Variants in OCRL observed in about 807,000 individuals in gnomAD.
OCRL encodes inositol polyphosphate 5-phosphatase OCRL.
Under a neutral mutation model 78.9 loss-of-function variants are expected in OCRL, and 8 were observed. The observed-to-expected ratio is 0.10, with a 90% CI of 0.06 to 0.18. The LOEUF is 0.18. Ranked by LOEUF, OCRL falls within the 10% of genes least tolerant of loss-of-function variation. The pLI, the probability that OCRL is intolerant of heterozygous loss-of-function variation, is 1.00. For synonymous variants in OCRL, 240 were observed against 235.4 expected, an observed-to-expected ratio of 1.02 and a Z score of -0.18; for missense variants, 454 against 696.7, an observed-to-expected ratio of 0.65 and a Z score of 3.92.
chrX:129,545,029 G>C lies in OCRL; in HGVS notation c.191G>C (p.Cys64Ser). 1 of 1,065,552 alleles carries C rather than the reference G, an allele frequency of 9.4e-7. No homozygotes were observed. The allele number at this position is 1,065,552 out of a possible 1,213,427, so 87.8% of individuals were successfully genotyped here. Residue 64 changes from cysteine (C) to serine (S), a missense_variant, in exon 3 of 24, where the codon TGT becomes TCT. By Grantham distance (112) the Cys-to-Ser change is moderately radical (BLOSUM62 -1). Coordinates refer to ENST00000371113, the MANE Select transcript of OCRL (RefSeq NM_000276.4). ...ATTCCTATAAATAGCCACTTCAGAT[G>C]TGTTCAAGGTACTAGCTTTAATTCC... ...DIIPINSHFR[C>S]VQEAEETLLI... is the part of the protein sequence containing the mutation.
In OCRL at chrX:129,540,326, G is replaced by C; in HGVS notation, c.-114G>C. The C allele has an allele frequency of 1.2e-6, 1 of 850,125 alleles. No homozygotes were observed. The highest frequency in any genetic ancestry group is 1.7e-6 in the Non-Finnish European group (1 of 598,189). 70.1% of individuals were successfully genotyped at this position (850,125 alleles called of 1,213,427 possible). On this transcript the variant is annotated 5_prime_UTR_variant, in exon 1 of 24. Transcript: ENST00000371113. ...GCTCCCGGCGCCCGGCGCCCGGCGC[G>C]GAGCTGTTCCTCAAACGACACGCAG...
At chrX:129,589,823 C>G in intron 22 of OCRL, 22 bp from the exon 23 acceptor site, 2 of 1,084,034 alleles carry the variant, frequency 1.8e-6, no homozygotes, top group South Asian at 1.8e-5. Flanking sequence ...TTCTCACTGC[C>G]TGCCCCTATT....
chrX:129,557,367 G>A lies in OCRL; in HGVS notation c.281G>A (p.Arg94His), dbSNP rs750147216. ...IRVQGDWIRE[R>H]RFEIPDEEHC... ...GTTCAGGGGGACTGGATCAGAGAGC[G>A]CCGCTTTGAAATCCCTGATGAGGAA... Residue 94 changes from arginine (R) to histidine (H), a missense_variant, in exon 5 of 24, where the codon CGC becomes CAC. Coordinates refer to ENST00000371113, the MANE Select transcript of OCRL (RefSeq NM_000276.4). 1.7e-5 allele frequency: 20 copies of A among 1,209,537 alleles called. No individual in the cohort carries two copies. Among genetic ancestry groups the A allele is most frequent in the Middle Eastern group, 2.3e-4 (1 of 4,365 alleles).
chrX:129,544,865 A>T (rs770526272), intron 2 of OCRL, 93 bp from the exon 3 acceptor site: 1 of 568,934 alleles, frequency 1.8e-6, no homozygotes, highest in East Asian at 3.3e-5. Flanking sequence ...TCTAGTAAAT[A>T]CAGACTAGAT....
intron 4 of OCRL, chrX:129,553,199 T>C (rs1602776577): frequency 8.9e-6 from 1 of 112,518 alleles, no homozygotes; most frequent in South Asian, 3.6e-4. Context: ...GAAGGGATTA[T>C]ATCAAGCCCT....
At chrX:129,552,265 G>C (rs746100861) in intron 4 of OCRL, among the ~76,000 whole-genome samples, 6 of 111,145 alleles carry the variant, frequency 5.4e-5, no homozygotes, top group African/African-American at 2.0e-4. Context: ...AATTGTTTTG[G>C]GTGTAAGGGG....
At chrX:129,567,902 CTT>C (rs56035022) in intron 14 of OCRL, among the ~76,000 whole-genome samples, 6 of 91,424 alleles carry the variant, frequency 6.6e-5, no homozygotes, top group African/African-American at 8.1e-5. Flanking sequence ...TTAGTAGACC[CTT>C]TTTTTTTTTT....
chrX:129,540,654 T>TC (rs1556337113), intron 1 of OCRL, 90 bp from the exon 2 acceptor site: 16 of 453,932 alleles, frequency 3.5e-5, no homozygotes, highest in Admixed American at 1.1e-4. Flanking sequence ...AGGGCGGCGG[T>TC]GGGGGGGGGG....
rs1675621899 is a variant in OCRL at position 129,576,082 on chromosome X, T to G, written c.1879+20T>G. The G allele has an allele frequency of 2.5e-6, 3 of 1,185,708 alleles. No homozygotes were observed. Among genetic ancestry groups the G allele is most frequent in the African/African-American group, 2.2e-5 (1 of 46,110 alleles). The stretch of plus-strand genomic sequence containing the variant: ...AGCCAAGTGAGTTTTCCCTTTACCA[T>G]TGTCTCTGCTGGTGATGTCATGACT... On this transcript the variant is annotated intron_variant, in intron 17 of 23. Transcript: ENST00000371113.
intron 22 of OCRL, 22 bp downstream of exon 22, chrX:129,589,035 A>G: frequency 8.3e-7 from 1 of 1,209,727 alleles, no homozygotes. Flanking sequence ...TGACCTGGGG[A>G]TGTGTTTGAC....
At chrX:129,587,825 A>C (rs1936533432) in intron 20 of OCRL, among the ~76,000 whole-genome samples, 1 of 109,017 alleles carries the variant, frequency 9.2e-6, no homozygotes. Flanking sequence ...GCTTGAGCTC[A>C]GGAGTTTGAG....
At chrX:129,560,770 A>G in intron 9 of OCRL, 119 bp downstream of exon 9, 1 of 479,726 alleles carries the variant, frequency 2.1e-6, no homozygotes, top group Non-Finnish European at 3.7e-6. Context: ...CACGAGAGTT[A>G]ACTTGCGGGT....
At chrX:129,583,057 G>A (rs1460143922) in intron 18 of OCRL, among the ~76,000 whole-genome samples, 2 of 111,959 alleles carry the variant, frequency 1.8e-5, no homozygotes, top group Non-Finnish European at 3.8e-5. Flanking sequence ...CAGACCTTCT[G>A]CTGGCATACT....
chrX:129,554,992 T>C (rs1200848859), intron 4 of OCRL, among the ~76,000 whole-genome samples: 1 of 99,616 alleles, frequency 1.0e-5, no homozygotes, highest in Non-Finnish European at 2.0e-5. Context: ...AATAAATAAA[T>C]AAATAAATAA....
Position 129,590,338 on chromosome X carries a change from A to G in OCRL, c.*68A>G, listed in dbSNP as rs1238607697. 7.7e-6 allele frequency: 9 copies of G among 1,163,188 alleles called. No individual in the cohort carries two copies. Among genetic ancestry groups the G allele is most frequent in the Non-Finnish European group, 1.1e-5 (9 of 856,149 alleles). ...GGCTCCAAGTATTTCAGAATGATTTAAAAAGTCATGCCACAGGAAGGGTCT... is the reference window on the plus strand; with the variant it reads ...GGCTCCAAGTATTTCAGAATGATTTGAAAAGTCATGCCACAGGAAGGGTCT... On this transcript the variant is annotated 3_prime_UTR_variant, in exon 24 of 24. Coordinates refer to ENST00000371113, the MANE Select transcript of OCRL (RefSeq NM_000276.4).
chrX:129,563,471 A>G (rs1271255125), intron 12 of OCRL, among the ~76,000 whole-genome samples: 1 of 112,160 alleles, frequency 8.9e-6, no homozygotes, highest in Non-Finnish European at 1.9e-5. Context: ...GAGGTGCATT[A>G]TAATTCTATT....
At chrX:129,590,093 T>C in intron 23 of OCRL, 53 bp from the exon 24 acceptor site, 2 of 1,210,640 alleles carry the variant, frequency 1.7e-6, no homozygotes, top group South Asian at 1.8e-5. Flanking sequence ...CCTGAGGTTT[T>C]GCTTAGGTTA....
chrX:129,553,969 A>G (rs1936001881), intron 4 of OCRL, among the ~76,000 whole-genome samples: 1 of 110,238 alleles, frequency 9.1e-6, no homozygotes, highest in African/African-American at 3.3e-5. Flanking sequence ...AATTAGTTGG[A>G]TTTCTGAGGG....
At position 129,575,128 on chromosome X, in the gene OCRL, A is replaced by G. The variant is rs1440624100; in HGVS notation, c.1603-12A>G. 4 of 1,139,302 alleles carry G rather than the reference A, an allele frequency of 3.5e-6. No individual in the cohort carries two copies. The highest frequency in any genetic ancestry group is 4.8e-6 in the Non-Finnish European group (4 of 830,473). 93.9% of individuals were successfully genotyped at this position (1,139,302 alleles called of 1,213,427 possible). A position where few individuals can be genotyped will look rare whatever the true frequency, so the allele number is the denominator to read the frequency against. ...GGATATAAGACTGAAAAGAGGATAC[A>G]TTTTCTTTCAGGTGAAGGTTGTGGA... On this transcript the variant is annotated splice_polypyrimidine_tract_variant and intron_variant, in intron 15 of 23. Transcript: ENST00000371113.
Sources: allele counts gnomAD v4.1 joint callset (sites outside exome capture counted in the v4.1 genomes callset), GRCh38; gene constraint gnomAD v4.1.1; transcripts MANE v1.5; gene names NCBI Gene and HGNC (gene_info 2026-07-23, HGNC 2026-07-21).